The following ROBO2 variants were observed in gnomAD, a reference collection of about 807,000 sequenced individuals.
The protein encoded by ROBO2 is roundabout guidance receptor 2.
A neutral mutation model predicts 160.8 loss-of-function variants in ROBO2; 53 were observed. The ratio of observed to expected loss-of-function variants is 0.33; its 90% confidence interval spans 0.26 to 0.41. The LOEUF is 0.41. ROBO2 is among the 10% of genes least tolerant of loss of function. The probability of loss-of-function intolerance (pLI) is 1.00; values close to 1 mark genes in which losing one functional copy is unlikely to be tolerated. For missense variants in ROBO2, 1,577 were observed against 1,722.4 expected (o/e 0.92, Z 1.49); for synonymous variants, 664 against 611.7 (o/e 1.09, Z -1.26).
intron 1 of ROBO2, among the ~76,000 whole-genome samples, chr3:77,075,283 T>G (rs565909033): frequency 6.6e-5 from 10 of 152,190 alleles, no homozygotes; most frequent in Admixed American, 2.6e-4. Context: ...TGTGGAGTGC[T>G]GTACAGACAT....
chr3:76,073,267 C>CTTTTTTTT lies in ROBO2; in HGVS notation c.109+135702_109+135709dup, dbSNP rs869307615. Among the ~76,000 whole-genome samples the CTTTTTTTT allele has an allele frequency of 1.1e-3, 61 of 57,396 alleles. 14 individuals carry two copies. Among genetic ancestry groups the CTTTTTTTT allele is most frequent in the Non-Finnish European group, 1.9e-3 (55 of 28,420 alleles). 37.7% of individuals were successfully genotyped at this position (57,396 alleles called of 152,430 possible). A position where few individuals can be genotyped will look rare whatever the true frequency, so the allele number is the denominator to read the frequency against. On this transcript the variant is annotated intron_variant, in intron 2 of 26. Transcript: ENST00000487694. Reference sequence around the variant, plus strand: ...TTGTAAACTTCTCAGAATGAGTATTCTTTTTTTTTTTTTTTTTTTTTTTTT... The same window carrying CTTTTTTTT: ...TTGTAAACTTCTCAGAATGAGTATTCTTTTTTTTTTTTTTTTTTTTTTTTTTTTTTTTT...
chr3:76,749,841 G>T (rs1560494315), intron 2 of ROBO2, among the ~76,000 whole-genome samples: 1 of 152,040 alleles, frequency 6.6e-6, no homozygotes, highest in Non-Finnish European at 1.5e-5. Context: ...GGACCAGATG[G>T]ATTCACAGCT....
intron 6 of ROBO2, among the ~76,000 whole-genome samples, chr3:77,525,767 G>A (rs2091083519): frequency 6.7e-6 from 1 of 149,076 alleles, no homozygotes; most frequent in South Asian, 2.1e-4. Flanking sequence ...TTTAAAACAT[G>A]ATTTCTCACC....
At chr3:76,851,195 G>T (rs968829520) in intron 2 of ROBO2, among the ~76,000 whole-genome samples, 1 of 152,128 alleles carries the variant, frequency 6.6e-6, no homozygotes, top group Non-Finnish European at 1.5e-5. Flanking sequence ...AACTAGCCCC[G>T]TGTAGCTAAC....
At chr3:76,145,631 A>G (rs2106796602) in intron 2 of ROBO2, among the ~76,000 whole-genome samples, 1 of 152,204 alleles carries the variant, frequency 6.6e-6, no homozygotes, top group African/African-American at 2.4e-5. Flanking sequence ...TGAGAGAGAT[A>G]CATGGAGATA....
intron 2 of ROBO2, among the ~76,000 whole-genome samples, chr3:76,433,266 A>T (rs2076521952): frequency 6.6e-6 from 1 of 152,212 alleles, no homozygotes. Flanking sequence ...ATCACTAAAT[A>T]AAACCTTAGA....
intron 2 of ROBO2, among the ~76,000 whole-genome samples, chr3:76,907,823 G>GGT (rs71104638): frequency 0.027 from 3,902 of 145,468 alleles, 90 homozygotes; most frequent in East Asian, 0.081. Flanking sequence ...GTTTGTTTGG[G>GGT]GTGTGTGTGT....
intron 2 of ROBO2, among the ~76,000 whole-genome samples, chr3:77,325,399 G>A (rs567403141): frequency 6.6e-6 from 1 of 152,252 alleles, no homozygotes; most frequent in African/African-American, 2.4e-5. Flanking sequence ...CAGAGCAGAC[G>A]CAACTGGGGA....
intron 2 of ROBO2, among the ~76,000 whole-genome samples, chr3:76,861,713 T>C (rs2070798420): frequency 6.6e-6 from 1 of 152,168 alleles, no homozygotes; most frequent in Non-Finnish European, 1.5e-5. Flanking sequence ...TATCTTAAAG[T>C]CAAAGTTTAT....
intron 2 of ROBO2, among the ~76,000 whole-genome samples, chr3:75,995,235 C>T (rs2065690157): frequency 6.6e-6 from 1 of 152,142 alleles, no homozygotes. Context: ...CTTCCCATCA[C>T]AGGCCTGGAA....
At chr3:77,082,704 CTATA>C (rs35367984) in intron 1 of ROBO2, among the ~76,000 whole-genome samples, 3 of 148,258 alleles carry the variant, frequency 2.0e-5, no homozygotes, top group Non-Finnish European at 1.5e-5. Context: ...TAGTAACATT[CTATA>C]TATATATATA....
intron 2 of ROBO2, among the ~76,000 whole-genome samples, chr3:77,270,511 C>T (rs183053944): frequency 6.6e-6 from 1 of 152,138 alleles, no homozygotes; most frequent in Non-Finnish European, 1.5e-5. Flanking sequence ...TAATCATTGA[C>T]ATTTGAAGAT....
At chr3:76,342,821 T>G (rs534317636) in intron 2 of ROBO2, among the ~76,000 whole-genome samples, 2 of 152,106 alleles carry the variant, frequency 1.3e-5, no homozygotes, top group Non-Finnish European at 2.9e-5. Flanking sequence ...ATAGATTAAT[T>G]AAAATCTATA....
intron 2 of ROBO2, among the ~76,000 whole-genome samples, chr3:76,236,403 A>G (rs1163765383): frequency 1.3e-5 from 2 of 152,156 alleles, no homozygotes; most frequent in Non-Finnish European, 2.9e-5. Context: ...TCTAAAGTGC[A>G]GACTGAAATA....
intron 2 of ROBO2, among the ~76,000 whole-genome samples, chr3:76,925,327 C>T (rs1168657587): frequency 1.3e-5 from 2 of 151,718 alleles, no homozygotes; most frequent in Non-Finnish European, 2.9e-5. Context: ...TTCTGATTTG[C>T]CTTTGGGATA....
chr3:76,965,900 T>G (rs898354645), intron 2 of ROBO2, among the ~76,000 whole-genome samples: 1 of 148,036 alleles, frequency 6.8e-6, no homozygotes, highest in Admixed American at 6.8e-5. Flanking sequence ...TTTTAAATGA[T>G]TTTTTAGCTA....
intron 2 of ROBO2, among the ~76,000 whole-genome samples, chr3:77,403,966 T>C (rs557727807): frequency 6.6e-6 from 1 of 152,228 alleles, no homozygotes; most frequent in African/African-American, 2.4e-5. Context: ...ATGGTTGGTT[T>C]TCAAGTTGGC....
intron 14 of ROBO2, among the ~76,000 whole-genome samples, chr3:77,575,458 T>C (rs967836279): frequency 2.0e-5 from 3 of 152,148 alleles, no homozygotes; most frequent in African/African-American, 7.2e-5. Context: ...TCTTTAAACA[T>C]ATTTCATACA....
At position 77,375,860 on chromosome 3, in the gene ROBO2, C is replaced by CACACA. The variant is rs570309438; in HGVS notation, c.389-101554_389-101553insACACA. 9.5e-3 allele frequency among the ~76,000 whole-genome samples: 1,452 copies of CACACA among 152,246 alleles called. 16 individuals carry two copies. The highest frequency in any genetic ancestry group is 0.014 in the Non-Finnish European group (926 of 68,022). The stretch of plus-strand genomic sequence containing the variant: ...CAGCACACACATAGAAAAAATAGTA[C>CACACA]TGAAGTGCTCAGTAGTAGTTAAGAG... On this transcript the variant is annotated intron_variant, in intron 2 of 25. Coordinates refer to ENST00000461745, the Ensembl canonical transcript of ROBO2.
Sources: gnomAD v4.1 joint callset for allele counts (sites outside exome capture counted in the v4.1 genomes callset) on GRCh38, gnomAD v4.1.1 for gene constraint, MANE v1.5 for transcripts, NCBI Gene and HGNC (gene_info 2026-07-23, HGNC 2026-07-21) for gene names.